The following DIS3L2 variants were observed in gnomAD, a reference collection of about 807,000 sequenced individuals.
DIS3L2 encodes DIS3 like 3'-5' exoribonuclease 2, also known as DIS3-like exonuclease 2.
A neutral mutation model predicts 97.5 loss-of-function variants in DIS3L2; 34 were observed. The ratio of observed to expected loss-of-function variants is 0.35; its 90% CI spans 0.27 to 0.46. The LOEUF (loss-of-function observed/expected upper bound fraction) is 0.46, where lower values mean the gene tolerates loss of function less well. Ranked by LOEUF, DIS3L2 falls within the 20% of genes least tolerant of loss-of-function variation. The pLI, the probability that DIS3L2 is intolerant of heterozygous loss-of-function variation, is 1.00. For synonymous variants in DIS3L2, 435 were observed against 445.2 expected, an observed-to-expected ratio of 0.98 and a Z score of 0.29; for missense variants, 1,038 against 1,146.0, an observed-to-expected ratio of 0.91 and a Z score of 1.36.
intron 12 of DIS3L2, among the ~76,000 whole-genome samples, chr2:232,255,146 G>C (rs1693525706): frequency 6.6e-6 from 1 of 152,246 alleles, no homozygotes; most frequent in Non-Finnish European, 1.5e-5. Context: ...TTCGGAACCA[G>C]ATGGGAGGGT....
At chr2:232,155,963 C>G (rs1690484210) in intron 8 of DIS3L2, among the ~76,000 whole-genome samples, 1 of 151,630 alleles carries the variant, frequency 6.6e-6, no homozygotes, top group South Asian at 2.1e-4. Flanking sequence ...GCACTCCAGC[C>G]TGGGCGACAG....
rs1301539786 is a variant in DIS3L2 at position 232,268,865 on chromosome 2, C to G, written c.1659+5425C>G. ...AGAACAGTCGTGCTAAGTTAACTCT[C>G]AGGATGGCTTCATGCAATTAGGTAA... On this transcript the variant is annotated intron_variant, in intron 13 of 20. Coordinates refer to ENST00000325385, the MANE Select transcript of DIS3L2 (RefSeq NM_152383.5). This position sits in a 1 kb window ranked among gnomAD's most constrained non-coding sequence, Gnocchi z 4.1. Among the ~76,000 whole-genome samples the G allele has an allele frequency of 6.6e-6, 1 of 152,218 alleles. No homozygotes were observed. Among genetic ancestry groups the G allele is most frequent in the East Asian group, 1.9e-4 (1 of 5,198 alleles).
In DIS3L2 at chr2:232,293,744, T is replaced by G. The variant is rs1694658282; in HGVS notation, c.1660-6296T>G. On this transcript the variant is annotated intron_variant, in intron 13 of 20. Coordinates refer to ENST00000325385, the MANE Select transcript of DIS3L2 (RefSeq NM_152383.5). The surrounding 1 kb of genome is among the most constrained non-coding windows in gnomAD (Gnocchi z 4.6). ...TATTTGTTCATGTGAACAACCAACC[T>G]TCAGCGAGCCTGGGCTGTGTTGAAT... Among the ~76,000 whole-genome samples the G allele has an allele frequency of 6.6e-6, 1 of 152,178 alleles. No individual in the cohort carries two copies. Among genetic ancestry groups the G allele is most frequent in the Non-Finnish European group, 1.5e-5 (1 of 68,030 alleles).
intron 6 of DIS3L2, among the ~76,000 whole-genome samples, chr2:232,115,191 G>C (rs1372407850): frequency 6.6e-6 from 1 of 152,022 alleles, no homozygotes; most frequent in African/African-American, 2.4e-5. Context: ...GTTTTGGAAA[G>C]GGACAAATAT....
chr2:232,124,379 A>G (rs1413973287), intron 6 of DIS3L2, among the ~76,000 whole-genome samples: 5 of 152,250 alleles, frequency 3.3e-5, no homozygotes, highest in Non-Finnish European at 2.9e-5. Context: ...AGAAATAAAC[A>G]TTAAATTAAT....
intron 5 of DIS3L2, among the ~76,000 whole-genome samples, chr2:232,078,463 C>T (rs780547333): frequency 6.6e-6 from 1 of 152,156 alleles, no homozygotes; most frequent in Non-Finnish European, 1.5e-5. Flanking sequence ...AAGTTGAGAA[C>T]CACTGATTTA....
chr2:231,974,047 A>AAT (rs973108941), intron 1 of DIS3L2, among the ~76,000 whole-genome samples: 180 of 152,028 alleles, frequency 1.2e-3, no homozygotes, highest in African/African-American at 3.5e-3. Context: ...CAGTTAAAAA[A>AAT]ATATATATAT....
chr2:232,048,471 G>A (rs1282662854), intron 5 of DIS3L2, among the ~76,000 whole-genome samples: 2 of 152,280 alleles, frequency 1.3e-5, no homozygotes, highest in East Asian at 3.9e-4. Flanking sequence ...GGTGGCTCAC[G>A]CCTGTAATCC....
intron 5 of DIS3L2, among the ~76,000 whole-genome samples, chr2:232,081,172 T>G (rs1696379904): frequency 6.6e-6 from 1 of 152,158 alleles, no homozygotes; most frequent in East Asian, 1.9e-4. Flanking sequence ...AAAAAAATAC[T>G]TCGTAGGTGG....
At chr2:232,030,184 G>A (rs1477843512) in intron 5 of DIS3L2, 104 bp downstream of exon 5, 2 of 928,766 alleles carry the variant, frequency 2.2e-6, no homozygotes, top group Non-Finnish European at 3.3e-6. Flanking sequence ...AGACCCCTTA[G>A]GCGCTGTGAT....
rs190705549 is a variant in DIS3L2 at position 232,029,871 on chromosome 2, C to A, written c.265-108C>A. The stretch of plus-strand genomic sequence containing the variant: ...CTTTATTTAATACGAAAAAGGATAA[C>A]CTAAGAATAACTTGCTGTTTTCTAT... On this transcript the variant is annotated intron_variant, in intron 4 of 20. Coordinates refer to ENST00000325385, the MANE Select transcript of DIS3L2 (RefSeq NM_152383.5). The A allele has an allele frequency of 1.3e-5, 10 of 771,820 alleles. No individual in the cohort carries two copies. The African/African-American group carries it at 1.6e-4, about 12-fold the overall frequency. 47.8% of individuals were successfully genotyped at this position (771,820 alleles called of 1,614,324 possible). A position where few individuals can be genotyped will look rare whatever the true frequency, so the allele number is the denominator to read the frequency against.
chr2:232,019,090 G>A lies in DIS3L2; in HGVS notation c.210+3419G>A, dbSNP rs568748033. On this transcript the variant is annotated intron_variant, in intron 3 of 20. Coordinates refer to ENST00000325385, the MANE Select transcript of DIS3L2 (RefSeq NM_152383.5). ...TGTTTCAGATCCCAAAAGATGCTTT[G>A]GCTAAAGGAAGTTCAGGCTAAGCCT... is the stretch of plus-strand genomic sequence containing the variant. 2.0e-5 allele frequency among the ~76,000 whole-genome samples: 3 copies of A among 152,224 alleles called. No homozygotes were observed. The South Asian group carries it at 6.2e-4, about 32-fold the overall frequency.
At chr2:232,242,643 T>C (rs1693131975) in intron 11 of DIS3L2, among the ~76,000 whole-genome samples, 2 of 152,184 alleles carry the variant, frequency 1.3e-5, no homozygotes, top group South Asian at 4.1e-4. Context: ...ATATAAGGTT[T>C]TATAGTCTTG....
At chr2:232,142,981 G>A (rs1690111658) in intron 8 of DIS3L2, among the ~76,000 whole-genome samples, 4 of 152,164 alleles carry the variant, frequency 2.6e-5, no homozygotes, top group Admixed American at 6.5e-5. Flanking sequence ...GTAGTAATAC[G>A]ATAGTGGTAA....
intron 13 of DIS3L2, among the ~76,000 whole-genome samples, chr2:232,285,944 A>G (rs1332157980): frequency 3.3e-5 from 5 of 152,360 alleles, no homozygotes; most frequent in African/African-American, 1.2e-4. Context: ...TTGTTAAACA[A>G]GTACACAGCT....
intron 6 of DIS3L2, among the ~76,000 whole-genome samples, chr2:232,104,922 A>G (rs2106326871): frequency 6.6e-6 from 1 of 152,232 alleles, no homozygotes; most frequent in South Asian, 2.1e-4. Context: ...GGCTCAAGCC[A>G]TCCTCCCACC....
At chr2:232,228,784 C>T (rs1367927721) in intron 10 of DIS3L2, among the ~76,000 whole-genome samples, 1 of 152,214 alleles carries the variant, frequency 6.6e-6, no homozygotes, top group East Asian at 1.9e-4. Flanking sequence ...TACCAAGTAA[C>T]ACACTTATTA....
At chr2:232,299,594 G>A (rs1333387687) in intron 13 of DIS3L2, among the ~76,000 whole-genome samples, 1 of 152,136 alleles carries the variant, frequency 6.6e-6, no homozygotes, top group Non-Finnish European at 1.5e-5. Context: ...ATCCAGGTCA[G>A]GCTCTTCACT....
chr2:232,340,168 A>G (rs1189860766), downstream of DIS3L2, among the ~76,000 whole-genome samples: 1 of 152,232 alleles, frequency 6.6e-6, no homozygotes, highest in Non-Finnish European at 1.5e-5. Flanking sequence ...AGGCCTATCC[A>G]TACCGCATGG....
Sources: allele counts gnomAD v4.1 joint callset (sites outside exome capture counted in the v4.1 genomes callset), GRCh38; gene constraint gnomAD v4.1.1; non-coding constraint Gnocchi (gnomAD v3.1); transcripts MANE v1.5; gene names NCBI Gene and HGNC (gene_info 2026-07-23, HGNC 2026-07-21).